The following NCALD variants were observed in gnomAD, a reference collection of about 807,000 sequenced individuals.
NCALD encodes the protein neurocalcin delta, also known as neurocalcin-delta.
In NCALD, 10 loss-of-function variants were observed where a neutral mutation model predicts 18.6. That is an observed-to-expected ratio of 0.54 (90% CI 0.33 to 0.91). The LOEUF (loss-of-function observed/expected upper bound fraction) is 0.91, where lower values mean the gene tolerates loss of function less well. Among genes scored for constraint, NCALD ranks in the 40% least tolerant of loss-of-function variants. The pLI is 0.03. For synonymous variants in NCALD, 88 were observed against 87.4 expected (o/e 1.01, Z -0.04); for missense variants, 184 against 247.6 (o/e 0.74, Z 1.72).
chr8:101,783,603 T>A (rs945143378), intron 1 of NCALD, among the ~76,000 whole-genome samples: 2 of 152,150 alleles, frequency 1.3e-5, no homozygotes, highest in African/African-American at 4.8e-5. Context: ...AGAGTAGGTA[T>A]GGGAGAGGGA....
intron 1 of NCALD, chr8:101,750,288 A>T (rs921572339): frequency 2.6e-5 from 4 of 152,200 alleles, no homozygotes; most frequent in African/African-American, 9.6e-5. Context: ...GTGGGGACAC[A>T]GCCAAACCAT....
intron 1 of NCALD, among the ~76,000 whole-genome samples, chr8:102,044,321 G>A (rs143363445): frequency 6.6e-6 from 1 of 151,912 alleles, no homozygotes; most frequent in South Asian, 2.1e-4. Flanking sequence ...GAGGACACAC[G>A]GAAATGGGTT....
At chr8:102,049,887 G>A (rs978353352) in intron 1 of NCALD, among the ~76,000 whole-genome samples, 5 of 151,918 alleles carry the variant, frequency 3.3e-5, no homozygotes, top group Admixed American at 2.6e-4. Context: ...TTTCGGCCGG[G>A]CGCGGTGGCT....
intron 1 of NCALD, among the ~76,000 whole-genome samples, chr8:102,123,460 G>GAAA (rs5893600): frequency 0.023 from 3,243 of 140,078 alleles, 62 homozygotes; most frequent in African/African-American, 0.035. Flanking sequence ...TGCAGCATTA[G>GAAA]AAAAAAAAAA....
At chr8:101,704,397 C>T (rs749557939) in intron 2 of NCALD, among the ~76,000 whole-genome samples, 1 of 152,076 alleles carries the variant, frequency 6.6e-6, no homozygotes, top group Non-Finnish European at 1.5e-5. Flanking sequence ...AGAGGAGACA[C>T]CTCCACTGAG....
At chr8:102,010,022 T>TA (rs2132061630) in intron 2 of NCALD, among the ~76,000 whole-genome samples, 1 of 152,330 alleles carries the variant, frequency 6.6e-6, no homozygotes, top group East Asian at 1.9e-4. Context: ...TCGAGGGACT[T>TA]ACAGTGGGTG....
chr8:101,724,223 T>C (rs1348028744), intron 1 of NCALD, among the ~76,000 whole-genome samples: 1 of 152,228 alleles, frequency 6.6e-6, no homozygotes, highest in East Asian at 1.9e-4. Flanking sequence ...TATATGATAT[T>C]TTACCATTTC....
Position 101,697,773 on chromosome 8 carries a change from T to C in NCALD, c.379-4877A>G, listed in dbSNP as rs970207179. The stretch of plus-strand genomic sequence containing the variant: ...TGTTAAAAACTCTGAATAAACTAGG[T>C]ATTGATGGAACATATCTTAAAATAA... On this transcript the variant is annotated intron_variant, in intron 2 of 3. Coordinates refer to ENST00000220931, the MANE Select transcript of NCALD (RefSeq NM_032041.3). Among the ~76,000 whole-genome samples, 20 of 152,248 alleles carry C rather than the reference T, an allele frequency of 1.3e-4. No individual in the cohort carries two copies. The South Asian group carries it at 1.5e-3, about 11-fold the overall frequency.
At chr8:101,818,583 CTCT>C (rs1284313136) in intron 4 of NCALD, among the ~76,000 whole-genome samples, 3 of 152,188 alleles carry the variant, frequency 2.0e-5, no homozygotes, top group African/African-American at 7.2e-5. Context: ...CATGTTTCTC[CTCT>C]TCATCTCTTT....
At chr8:102,123,352 G>A (rs903746738) in intron 1 of NCALD, among the ~76,000 whole-genome samples, 5 of 151,920 alleles carry the variant, frequency 3.3e-5, no homozygotes, top group African/African-American at 4.8e-5. Flanking sequence ...CCTCGCCTGC[G>A]GCCTCCGACA....
intron 3 of NCALD, among the ~76,000 whole-genome samples, chr8:101,890,497 G>A (rs1353100614): frequency 6.6e-6 from 1 of 152,138 alleles, no homozygotes; most frequent in East Asian, 1.9e-4. Context: ...TGAGAGATAT[G>A]GCCTTGGGGG....
At chr8:101,890,034 A>G (rs1816816057) in intron 3 of NCALD, among the ~76,000 whole-genome samples, 1 of 152,252 alleles carries the variant, frequency 6.6e-6, no homozygotes, top group South Asian at 2.1e-4. Flanking sequence ...CGTAATATGA[A>G]GAGCTTGCAT....
intron 1 of NCALD, among the ~76,000 whole-genome samples, chr8:102,056,669 C>G (rs1823662390): frequency 6.6e-6 from 1 of 152,226 alleles, no homozygotes; most frequent in African/African-American, 2.4e-5. Flanking sequence ...TTCACCCTCC[C>G]TCACTGTCTG....
intron 1 of NCALD, among the ~76,000 whole-genome samples, chr8:102,062,611 C>T (rs770427547): frequency 5.9e-5 from 9 of 152,242 alleles, no homozygotes; most frequent in Non-Finnish European, 1.2e-4. Context: ...CTCAGTCTCA[C>T]ACAACAATAA....
chr8:101,704,156 A>T (rs1014325801), intron 2 of NCALD, among the ~76,000 whole-genome samples: 1 of 152,228 alleles, frequency 6.6e-6, no homozygotes, highest in African/African-American at 2.4e-5. Flanking sequence ...CAAGTAATTT[A>T]ACTGTGTCTC....
intron 2 of NCALD, among the ~76,000 whole-genome samples, chr8:101,696,128 T>G (rs565304974): frequency 1.8e-4 from 28 of 152,150 alleles, no homozygotes; most frequent in Non-Finnish European, 2.9e-4. Flanking sequence ...GTTTGGGTAT[T>G]TAGAAGCTGA....
chr8:101,811,021 G>A (rs1368015622), intron 4 of NCALD, among the ~76,000 whole-genome samples: 2 of 152,122 alleles, frequency 1.3e-5, no homozygotes, highest in African/African-American at 2.4e-5. Flanking sequence ...AAAGGAAGCA[G>A]CCATCAATAT....
At chr8:101,893,256 C>G (rs887608784) in intron 3 of NCALD, among the ~76,000 whole-genome samples, 2 of 151,392 alleles carry the variant, frequency 1.3e-5, no homozygotes, top group African/African-American at 4.9e-5. Flanking sequence ...TCATATCTAG[C>G]CAAACTAAGC....
chr8:102,116,295 CCT>C (rs1385888812), intron 1 of NCALD, among the ~76,000 whole-genome samples: 1 of 146,506 alleles, frequency 6.8e-6, no homozygotes, highest in Non-Finnish European at 1.5e-5. Flanking sequence ...AAAACAAAAA[CCT>C]CTACTGTGTG....
Sources: gnomAD v4.1 joint callset for allele counts (sites outside exome capture counted in the v4.1 genomes callset) on GRCh38, gnomAD v4.1.1 for gene constraint, MANE v1.5 for transcripts, NCBI Gene and HGNC (gene_info 2026-07-23, HGNC 2026-07-21) for gene names.